Variants in KNDC1 observed in about 807,000 individuals in gnomAD.
The protein encoded by KNDC1 is kinase non-catalytic C-lobe domain-containing protein 1.
KNDC1 carries 106 observed loss-of-function variants against 172.8 expected under a neutral mutation model. That is an observed-to-expected ratio of 0.61 (90% CI 0.52 to 0.72). The LOEUF is 0.72. Ranked by LOEUF, KNDC1 falls within the 30% of genes least tolerant of loss-of-function variation. The probability of loss-of-function intolerance (pLI) is 0.00; values close to 1 mark genes in which losing one functional copy is unlikely to be tolerated. For missense variants in KNDC1, 2,325 were observed against 2,394.5 expected, an observed-to-expected ratio of 0.97 and a Z score of 0.61; for synonymous variants, 1,083 against 1,062.2, an observed-to-expected ratio of 1.02 and a Z score of -0.38.
intron 17 of KNDC1, chr10:133,202,345 C>T (rs534860046): frequency 6.5e-6 from 3 of 459,692 alleles, no homozygotes; most frequent in East Asian, 6.8e-5. Flanking sequence ...CAGCCTGGTC[C>T]GGGCTTTCTG....
In KNDC1 at chr10:133,224,564, C is replaced by T; in HGVS notation, c.5019-95C>T. On this transcript the variant is annotated intron_variant, in intron 29 of 29. Coordinates refer to ENST00000304613, the MANE Select transcript of KNDC1 (RefSeq NM_152643.8). The surrounding 1 kb of genome is among the most constrained non-coding windows in gnomAD (Gnocchi z 5.4). ...AATTTACACGGTGAAAAGATTTAGTCCAAATGATTCCTAAGAACGCGGGGG... is the reference window on the plus strand; with the variant it reads ...AATTTACACGGTGAAAAGATTTAGTTCAAATGATTCCTAAGAACGCGGGGG... The T allele has an allele frequency of 1.2e-6, 1 of 847,240 alleles. No homozygotes were observed. Among genetic ancestry groups the T allele is most frequent in the Non-Finnish European group, 1.9e-6 (1 of 536,470 alleles). The allele number at this position is 847,240 out of a possible 1,614,324, so 52.5% of individuals were successfully genotyped here. A position where few individuals can be genotyped will look rare whatever the true frequency, so the allele number is the denominator to read the frequency against.
intron 24 of KNDC1, 148 bp downstream of exon 24, chr10:133,213,070 TG>T (rs1845403863): frequency 1.4e-6 from 1 of 717,876 alleles, no homozygotes; most frequent in Admixed American, 2.9e-5. Context: ...TGGGGGTGGC[TG>T]CCAGGTGCAC....
intron 1 of KNDC1, among the ~76,000 whole-genome samples, chr10:133,161,899 G>A (rs1000096301): frequency 3.9e-5 from 6 of 152,196 alleles, no homozygotes; most frequent in Admixed American, 6.5e-5. Flanking sequence ...GGCAGCAGCC[G>A]GTGCCACGCA....
Position 133,183,839 on chromosome 10 carries a change from G to A in KNDC1, c.508-33G>A, listed in dbSNP as rs562585989. 1.1e-4 allele frequency: 171 copies of A among 1,500,632 alleles called. 1 individual carries two copies. The South Asian group carries it at 1.4e-3, about 12-fold the overall frequency. The allele number at this position is 1,500,632 out of a possible 1,614,324, so 93.0% of individuals were successfully genotyped here. A position where few individuals can be genotyped will look rare whatever the true frequency, so the allele number is the denominator to read the frequency against. On this transcript the variant is annotated intron_variant, in intron 4 of 29. Coordinates refer to ENST00000304613, the MANE Select transcript of KNDC1 (RefSeq NM_152643.8). ...GGCTGCGGGAGATGGCCCCTCCTCCGAGCCTTCCTGTCTGAGGTGTTCCCG... is the reference window on the plus strand; with the variant it reads ...GGCTGCGGGAGATGGCCCCTCCTCCAAGCCTTCCTGTCTGAGGTGTTCCCG...
At position 133,209,007 on chromosome 10, in the gene KNDC1, G is replaced by C. The variant is rs969364880; in HGVS notation, c.3795-1604G>C. 4.0e-5 allele frequency among the ~76,000 whole-genome samples: 6 copies of C among 151,242 alleles called. No individual in the cohort carries two copies. The highest frequency in any genetic ancestry group is 1.5e-4 in the African/African-American group (6 of 41,120). ...TGCACGTGTGTGGTGTGTGGTTGTG[G>C]GATATCGTGTGGTGTAGTAGGTACG... On this transcript the variant is annotated intron_variant, in intron 20 of 29. Transcript: ENST00000304613. The surrounding 1 kb of genome is among the most constrained non-coding windows in gnomAD (Gnocchi z 4.9).
At chr10:133,167,898 C>T (rs1007901424) in intron 2 of KNDC1, among the ~76,000 whole-genome samples, 4 of 152,204 alleles carry the variant, frequency 2.6e-5, no homozygotes, top group South Asian at 2.1e-4. Flanking sequence ...GAGCCAGTCC[C>T]GCCTGCCCTG....
At chr10:133,168,342 C>T (rs774341111) in intron 3 of KNDC1, 30 bp downstream of exon 3, 4 of 1,597,330 alleles carry the variant, frequency 2.5e-6, no homozygotes, top group Non-Finnish European at 3.4e-6. Context: ...ATGTGCCACA[C>T]CCCCCTTTTA....
rs1363826686 is a variant in KNDC1, at chr10:133,197,866, C to G, written c.1906+98C>G. On this transcript the variant is annotated intron_variant, in intron 12 of 29. Transcript: ENST00000304613. ...TGGACAGACACAGCCGGGCACCTCTCGGAAACCCGGGAAGCAAGTCCAGAG... is the reference window on the plus strand; with the variant it reads ...TGGACAGACACAGCCGGGCACCTCTGGGAAACCCGGGAAGCAAGTCCAGAG... 3 of 992,684 alleles carry G rather than the reference C, an allele frequency of 3.0e-6. No homozygotes were observed. The South Asian group carries it at 3.8e-5, about 13-fold the overall frequency. 61.5% of individuals were successfully genotyped at this position (992,684 alleles called of 1,614,324 possible). A position where few individuals can be genotyped will look rare whatever the true frequency, so the allele number is the denominator to read the frequency against.
intron 16 of KNDC1, among the ~76,000 whole-genome samples, chr10:133,200,808 G>T (rs377500386): frequency 6.6e-6 from 1 of 152,196 alleles, no homozygotes; most frequent in Non-Finnish European, 1.5e-5. Context: ...GGTGGGATCC[G>T]CTCTCCAAGC....
At chr10:133,217,774 T>C (rs545699459) in intron 26 of KNDC1, among the ~76,000 whole-genome samples, 20 of 151,558 alleles carry the variant, frequency 1.3e-4, no homozygotes, top group African/African-American at 4.6e-4. Flanking sequence ...CTGGCCAATA[T>C]GGTGAAACCT....
rs12765185 is a variant in KNDC1, at chr10:133,163,573, T to A, written c.102+3004T>A. ...GGGATTGGCAGCCAGTGCTCCCAGCTGTGATTGGAGTTTTGTATTAGTCCT... is the reference window on the plus strand; with the variant it reads ...GGGATTGGCAGCCAGTGCTCCCAGCAGTGATTGGAGTTTTGTATTAGTCCT... On this transcript the variant is annotated intron_variant, in intron 1 of 29. Transcript: ENST00000304613. The surrounding 1 kb of genome is among the most constrained non-coding windows in gnomAD (Gnocchi z 4.4). Among the ~76,000 whole-genome samples, 41,671 of 151,992 alleles carry A rather than the reference T, an allele frequency of 0.27. 5,822 individuals carry two copies. The highest frequency in any genetic ancestry group is 0.32 in the Admixed American group (4,920 of 15,276).
intron 3 of KNDC1, among the ~76,000 whole-genome samples, chr10:133,172,892 G>A (rs148139085): frequency 3.0e-4 from 45 of 152,230 alleles, no homozygotes; most frequent in Non-Finnish European, 4.1e-4. Flanking sequence ...AGCCCCAGCC[G>A]CTCAGGAGGC....
rs2136041190 is a variant in KNDC1 at position 133,224,570 on chromosome 10, G to A, written c.5019-89G>A. On this transcript the variant is annotated intron_variant, in intron 29 of 29. Coordinates refer to ENST00000304613, the MANE Select transcript of KNDC1 (RefSeq NM_152643.8). The surrounding 1 kb of genome is among the most constrained non-coding windows in gnomAD (Gnocchi z 5.4). ...CACGGTGAAAAGATTTAGTCCAAAT[G>A]ATTCCTAAGAACGCGGGGGGACTCC... 2.3e-6 allele frequency: 2 copies of A among 886,716 alleles called. No homozygotes were observed. Among genetic ancestry groups the A allele is most frequent in the South Asian group, 1.7e-5 (1 of 59,804 alleles). The allele number at this position is 886,716 out of a possible 1,614,324, so 54.9% of individuals were successfully genotyped here.
chr10:133,193,545 A>AGAAG (rs886873925), intron 9 of KNDC1, among the ~76,000 whole-genome samples: 1 of 148,148 alleles, frequency 6.8e-6, no homozygotes, highest in Admixed American at 6.7e-5. Context: ...TAAAGGAGGA[A>AGAAG]GAAGGAAGAA....
At chr10:133,172,508 G>A (rs1233966224) in intron 3 of KNDC1, among the ~76,000 whole-genome samples, 2 of 152,080 alleles carry the variant, frequency 1.3e-5, no homozygotes, top group Non-Finnish European at 2.9e-5. Context: ...GTGGACTGGC[G>A]ATTTCCCATT....
At chr10:133,217,963 G>A (rs1845501573) in intron 26 of KNDC1, among the ~76,000 whole-genome samples, 1 of 152,056 alleles carries the variant, frequency 6.6e-6, no homozygotes, top group Admixed American at 6.5e-5. Flanking sequence ...GAGAGGCTGA[G>A]GCAGGAGAAT....
rs368956188 is a variant in KNDC1 at position 133,173,650 on chromosome 10, G to A, written c.360+5338G>A. On this transcript the variant is annotated intron_variant, in intron 3 of 29. Transcript: ENST00000304613. ...TGAAGGATTTTCACACCGAACATCT[G>A]TGTAAGCAGCACCCAGATGGATGGC... Among the ~76,000 whole-genome samples the A allele has an allele frequency of 1.1e-4, 16 of 152,350 alleles. No homozygotes were observed. The East Asian group carries it at 2.5e-3, about 24-fold the overall frequency.
chr10:133,197,920 C>A, intron 12 of KNDC1, 152 bp downstream of exon 12: 1 of 673,010 alleles, frequency 1.5e-6, no homozygotes, highest in South Asian at 1.6e-5. Context: ...TGCAGCCCAG[C>A]CTGCCTGCCC....
At chr10:133,195,566 G>C in intron 9 of KNDC1, 97 bp from the exon 10 acceptor site, 4 of 1,230,404 alleles carry the variant, frequency 3.3e-6, no homozygotes, top group Non-Finnish European at 4.3e-6. Flanking sequence ...TGGGGGCAGT[G>C]CCTGGGTGCC....
Sources: allele counts gnomAD v4.1 joint callset (sites outside exome capture counted in the v4.1 genomes callset), GRCh38; gene constraint gnomAD v4.1.1; non-coding constraint Gnocchi (gnomAD v3.1); transcripts MANE v1.5; gene names NCBI Gene and HGNC (gene_info 2026-07-23, HGNC 2026-07-21).